Variants in CNTNAP2 observed in about 807,000 individuals in gnomAD.
CNTNAP2 encodes the protein contactin associated protein 2.
CNTNAP2 carries 98 observed loss-of-function variants against 155.2 expected under a neutral mutation model. That is an observed-to-expected ratio of 0.63 (90% CI 0.54 to 0.75). The LOEUF (loss-of-function observed/expected upper bound fraction) is 0.75. Ranked by LOEUF, CNTNAP2 falls within the 30% of genes least tolerant of loss-of-function variation. CNTNAP2 has a pLI of 0.00. For missense variants in CNTNAP2, 1,727 were observed against 1,688.1 expected, an observed-to-expected ratio of 1.02 and a Z score of -0.40; for synonymous variants, 651 against 631.2, an observed-to-expected ratio of 1.03 and a Z score of -0.47.
At chr7:147,158,767 G>A (rs986240723) in intron 8 of CNTNAP2, among the ~76,000 whole-genome samples, 4 of 151,970 alleles carry the variant, frequency 2.6e-5, no homozygotes, top group African/African-American at 4.8e-5. Flanking sequence ...AATGAATTAC[G>A]TTCTTGTTGA....
At chr7:147,333,110 T>A (rs1025780875) in intron 9 of CNTNAP2, among the ~76,000 whole-genome samples, 5 of 152,034 alleles carry the variant, frequency 3.3e-5, no homozygotes, top group Admixed American at 1.3e-4. Flanking sequence ...AGAACACACA[T>A]TGGGAAACTG....
At position 146,385,879 on chromosome 7, in the gene CNTNAP2, T is replaced by C. The variant is rs182113621; in HGVS notation, c.97+268906T>C. Among the ~76,000 whole-genome samples, 205 of 152,362 alleles carry C rather than the reference T, an allele frequency of 1.3e-3. 1 individual carries two copies. Among genetic ancestry groups the C allele is most frequent in the African/African-American group, 4.7e-3 (197 of 41,594 alleles). ...ATTGTATTACAACTGTTTTAAAGGA[T>C]AGATAAAGTAAACCACCTTCTAGGT... On this transcript the variant is annotated intron_variant, in intron 1 of 23. Transcript: ENST00000361727.
chr7:146,517,261 G>T (rs1174946317), intron 1 of CNTNAP2, among the ~76,000 whole-genome samples: 1 of 151,920 alleles, frequency 6.6e-6, no homozygotes. Context: ...ATCCACTGGG[G>T]GTCTTGGTAT....
chr7:147,351,848 A>G lies in CNTNAP2; in HGVS notation c.1499-43761A>G, dbSNP rs115960362. Among the ~76,000 whole-genome samples, 541 of 152,096 alleles carry G rather than the reference A, an allele frequency of 3.6e-3. 6 individuals are homozygous for G. The highest frequency in any genetic ancestry group is 0.012 in the African/African-American group (506 of 41,574). On this transcript the variant is annotated intron_variant, in intron 9 of 23. Coordinates refer to ENST00000361727, the MANE Select transcript of CNTNAP2 (RefSeq NM_014141.6). The stretch of plus-strand genomic sequence containing the variant: ...TATATGAATCTGATTCCCCAAGACA[A>G]GAAGTTCTTATAAATTAAAGGCAAA...
intron 12 of CNTNAP2, among the ~76,000 whole-genome samples, chr7:147,566,411 G>A (rs1397682874): frequency 6.6e-6 from 1 of 151,548 alleles, no homozygotes; most frequent in Non-Finnish European, 1.5e-5. Flanking sequence ...CCGTTCTCAC[G>A]CTGCTATAAA....
At chr7:148,211,641 C>T (rs958485833) in intron 18 of CNTNAP2, among the ~76,000 whole-genome samples, 4 of 152,192 alleles carry the variant, frequency 2.6e-5, no homozygotes, top group Non-Finnish European at 5.9e-5. Context: ...TACCAACTTA[C>T]CATTGGGTCA....
At chr7:148,253,044 AGATAGACAGAT>A (rs1391705715) in intron 20 of CNTNAP2, among the ~76,000 whole-genome samples, 3 of 116,422 alleles carry the variant, frequency 2.6e-5, no homozygotes, top group African/African-American at 5.8e-5. Flanking sequence ...ATAGATAGAT[AGATAGACAGAT>A]GATAGATAGA....
intron 8 of CNTNAP2, among the ~76,000 whole-genome samples, chr7:147,277,032 T>C (rs143511900): frequency 6.6e-6 from 1 of 152,128 alleles, no homozygotes; most frequent in African/African-American, 2.4e-5. Flanking sequence ...CCTCCATGAA[T>C]AAAATCCAAG....
Position 147,931,448 on chromosome 7 carries a change from C to G in CNTNAP2, c.2255+27727C>G, listed in dbSNP as rs187776045. 3.4e-3 allele frequency among the ~76,000 whole-genome samples: 515 copies of G among 152,110 alleles called. 1 individual carries two copies. The highest frequency in any genetic ancestry group is 4.8e-3 in the Non-Finnish European group (328 of 68,006). On this transcript the variant is annotated intron_variant, in intron 14 of 23. Coordinates refer to ENST00000361727, the MANE Select transcript of CNTNAP2 (RefSeq NM_014141.6). The stretch of plus-strand genomic sequence containing the variant: ...TACTTTCAAACTCATTTTATAAGGC[C>G]AGCATTTCCCTGACACCAAAGCCAG...
intron 1 of CNTNAP2, among the ~76,000 whole-genome samples, chr7:146,611,917 A>G (rs912171928): frequency 5.9e-5 from 9 of 152,200 alleles, no homozygotes; most frequent in Non-Finnish European, 1.3e-4. Context: ...AGACTTTTCA[A>G]TATTGAAAGG....
chr7:147,955,676 C>G (rs1039505787), intron 14 of CNTNAP2, among the ~76,000 whole-genome samples: 1 of 152,126 alleles, frequency 6.6e-6, no homozygotes, highest in African/African-American at 2.4e-5. Flanking sequence ...TGCTCCCCAC[C>G]TCAGCTATCA....
At chr7:147,877,417 C>T (rs2538994) in intron 13 of CNTNAP2, among the ~76,000 whole-genome samples, 115,857 of 152,132 alleles carry the variant, frequency 0.76, 45,138 homozygotes, top group African/African-American at 0.94. Flanking sequence ...ATAAAACACC[C>T]ACATTTAAAA....
intron 13 of CNTNAP2, among the ~76,000 whole-genome samples, chr7:147,667,509 G>A (rs1349616057): frequency 6.6e-6 from 1 of 152,104 alleles, no homozygotes; most frequent in Non-Finnish European, 1.5e-5. Flanking sequence ...TAAACTAGAG[G>A]AGCCATAAGA....
chr7:148,309,509 AAG>A (rs1286985197), intron 21 of CNTNAP2, among the ~76,000 whole-genome samples: 3 of 152,184 alleles, frequency 2.0e-5, no homozygotes, highest in African/African-American at 7.2e-5. Context: ...TGAGTCCAAA[AAG>A]AGAGTCAGCA....
chr7:147,138,198 C>T (rs952566309), intron 8 of CNTNAP2, among the ~76,000 whole-genome samples: 10 of 151,562 alleles, frequency 6.6e-5, no homozygotes, highest in African/African-American at 1.7e-4. Context: ...ATTCTTAGGG[C>T]GAAAATGGAG....
chr7:146,692,904 C>T (rs768814612), intron 1 of CNTNAP2, among the ~76,000 whole-genome samples: 4 of 152,024 alleles, frequency 2.6e-5, no homozygotes, highest in South Asian at 2.1e-4. Flanking sequence ...CCCTGCAGTT[C>T]GTCAGCCACC....
intron 13 of CNTNAP2, among the ~76,000 whole-genome samples, chr7:147,649,961 A>G (rs1054006900): frequency 3.3e-5 from 5 of 152,064 alleles, no homozygotes; most frequent in Non-Finnish European, 7.4e-5. Flanking sequence ...CAATTTTATT[A>G]TTTATCTTTA....
chr7:146,658,218 A>T (rs1800027365), intron 1 of CNTNAP2, among the ~76,000 whole-genome samples: 1 of 152,172 alleles, frequency 6.6e-6, no homozygotes, highest in African/African-American at 2.4e-5. Context: ...TTCTTGCAAT[A>T]TCTTGAATGA....
intron 1 of CNTNAP2, among the ~76,000 whole-genome samples, chr7:146,466,850 T>C (rs1020858933): frequency 6.6e-6 from 1 of 152,158 alleles, no homozygotes; most frequent in African/African-American, 2.4e-5. Context: ...CTTAATACTT[T>C]ATTGTGCTTG....
Sources: allele counts gnomAD v4.1 joint callset (sites outside exome capture counted in the v4.1 genomes callset), GRCh38; gene constraint gnomAD v4.1.1; transcripts MANE v1.5; gene names NCBI Gene and HGNC (gene_info 2026-07-23, HGNC 2026-07-21).